The following NBEA variants were observed in gnomAD, a reference collection of about 807,000 sequenced individuals.
The protein encoded by NBEA is lysosomal-trafficking regulator 2.
NBEA carries 44 observed loss-of-function variants against 343.4 expected under a neutral mutation model. The ratio of observed to expected loss-of-function variants is 0.13; its 90% confidence interval spans 0.10 to 0.16. The LOEUF (loss-of-function observed/expected upper bound fraction) is 0.16, where lower values mean the gene tolerates loss of function less well. Among genes scored for constraint, NBEA ranks in the 10% least tolerant of loss-of-function variants. NBEA has a pLI of 1.00. For synonymous variants in NBEA, 1,175 were observed against 1,238.7 expected (o/e 0.95, Z 1.08); for missense variants, 2,555 against 3,631.3 (o/e 0.70, Z 7.62).
At chr13:35,119,837 C>G (rs1215656427) in intron 16 of NBEA, among the ~76,000 whole-genome samples, 1 of 152,184 alleles carries the variant, frequency 6.6e-6, no homozygotes, top group East Asian at 1.9e-4. Flanking sequence ...GATCTGCCTG[C>G]CTTGGTCTCC....
intron 38 of NBEA, among the ~76,000 whole-genome samples, chr13:35,391,661 TATAA>T (rs144101958): frequency 0.035 from 5,316 of 152,240 alleles, 138 homozygotes; most frequent in Non-Finnish European, 0.053. Flanking sequence ...AGTATGTGTA[TATAA>T]ATAAATAAGA....
chr13:35,462,633 A>G (rs1362389143), intron 40 of NBEA, among the ~76,000 whole-genome samples: 1 of 152,164 alleles, frequency 6.6e-6, no homozygotes, highest in Non-Finnish European at 1.5e-5. Flanking sequence ...TTTTTTTAAA[A>G]AAATCACTCT....
At chr13:35,037,579 A>G (rs2062492526) in intron 1 of NBEA, among the ~76,000 whole-genome samples, 1 of 152,116 alleles carries the variant, frequency 6.6e-6, no homozygotes, top group Non-Finnish European at 1.5e-5. Flanking sequence ...ATTCTTGCAG[A>G]CTTGTAGAGG....
At chr13:35,434,805 T>TTAA (rs984829846) in intron 39 of NBEA, among the ~76,000 whole-genome samples, 2 of 152,162 alleles carry the variant, frequency 1.3e-5, no homozygotes, top group African/African-American at 4.8e-5. Context: ...CCTCTTAATG[T>TTAA]GCACTCTAAC....
At chr13:35,507,159 C>T (rs1472423400) in intron 41 of NBEA, among the ~76,000 whole-genome samples, 2 of 152,136 alleles carry the variant, frequency 1.3e-5, no homozygotes, top group Non-Finnish European at 2.9e-5. Flanking sequence ...TTATCATACC[C>T]TCATCCTGAA....
intron 30 of NBEA, among the ~76,000 whole-genome samples, chr13:35,188,516 AT>A (rs748159807): frequency 1.3e-5 from 2 of 152,136 alleles, no homozygotes; most frequent in African/African-American, 2.4e-5. Context: ...GTCTGACTTA[AT>A]TTAATGCAGT....
At chr13:35,179,752 A>C in intron 28 of NBEA, 2 of 984,028 alleles carry the variant, frequency 2.0e-6, no homozygotes, top group Non-Finnish European at 2.4e-6. Context: ...GTATTATGGG[A>C]TATTATGGTC....
chr13:35,644,258 A>G (rs778511292), intron 49 of NBEA, among the ~76,000 whole-genome samples: 27 of 152,178 alleles, frequency 1.8e-4, no homozygotes, highest in Non-Finnish European at 3.5e-4. Flanking sequence ...GTTAGTCACA[A>G]TCTCGTCTTT....
At chr13:35,012,208 T>C (rs900799577) in intron 1 of NBEA, among the ~76,000 whole-genome samples, 3 of 152,304 alleles carry the variant, frequency 2.0e-5, no homozygotes, top group Admixed American at 6.5e-5. Flanking sequence ...ATCAAGGTGC[T>C]GGTATCTCAT....
intron 11 of NBEA, 102 bp from the exon 12 acceptor site, chr13:35,109,188 G>T (rs2066064539): frequency 3.2e-6 from 3 of 949,140 alleles, no homozygotes; most frequent in Non-Finnish European, 4.5e-6. Flanking sequence ...ATATTTATTA[G>T]GGATAGCATA....
chr13:35,415,425 G>A (rs1442613318), intron 38 of NBEA, among the ~76,000 whole-genome samples: 1 of 152,186 alleles, frequency 6.6e-6, no homozygotes, highest in South Asian at 2.1e-4. Context: ...ATGTGAGGAA[G>A]GGATCCAGTT....
intron 41 of NBEA, among the ~76,000 whole-genome samples, chr13:35,534,554 C>G (rs976887483): frequency 6.6e-6 from 1 of 152,196 alleles, no homozygotes. Flanking sequence ...CCAGTTCATC[C>G]TTTCTGCAGT....
chr13:35,307,858 G>T (rs2037001222), intron 35 of NBEA, among the ~76,000 whole-genome samples: 1 of 151,984 alleles, frequency 6.6e-6, no homozygotes, highest in African/African-American at 2.4e-5. Context: ...TAAACATTTG[G>T]GAAAAGAAAT....
chr13:35,576,239 C>T (rs2080735389), intron 45 of NBEA, among the ~76,000 whole-genome samples: 4 of 151,408 alleles, frequency 2.6e-5, no homozygotes, highest in African/African-American at 7.3e-5. Flanking sequence ...GCCTCAGCCT[C>T]CCAAGTAGCT....
intron 31 of NBEA, among the ~76,000 whole-genome samples, chr13:35,196,908 CTATT>C (rs2072650380): frequency 6.6e-6 from 1 of 152,030 alleles, no homozygotes. Flanking sequence ...GGTATCGAAA[CTATT>C]TATAACATGG....
chr13:35,020,597 C>A (rs1044094562), intron 1 of NBEA, among the ~76,000 whole-genome samples: 8 of 152,188 alleles, frequency 5.3e-5, no homozygotes, highest in Admixed American at 5.2e-4. Context: ...TGCTTTACTG[C>A]AACGTCTGCC....
chr13:35,009,480 A>G (rs1406165965), intron 1 of NBEA, among the ~76,000 whole-genome samples: 2 of 152,158 alleles, frequency 1.3e-5, no homozygotes, highest in African/African-American at 4.8e-5. Flanking sequence ...GGGAACAGAA[A>G]GTATAAAGAC....
chr13:35,612,343 A>G (rs1003792480), intron 48 of NBEA, among the ~76,000 whole-genome samples: 4 of 152,044 alleles, frequency 2.6e-5, no homozygotes, highest in African/African-American at 9.7e-5. Context: ...CGTGTTAGCC[A>G]GAGTGGTCTC....
At chr13:34,964,132 A>G (rs2059747449) in intron 1 of NBEA, among the ~76,000 whole-genome samples, 2 of 152,070 alleles carry the variant, frequency 1.3e-5, no homozygotes, top group Admixed American at 6.6e-5. Flanking sequence ...TTAACTTGCA[A>G]CTGTCTCGAA....
Sources: gnomAD v4.1 joint callset for allele counts (sites outside exome capture counted in the v4.1 genomes callset) on GRCh38, gnomAD v4.1.1 for gene constraint, MANE v1.5 for transcripts, NCBI Gene and HGNC (gene_info 2026-07-23, HGNC 2026-07-21) for gene names.